The following TENM2 variants were observed in gnomAD, a reference collection of about 807,000 sequenced individuals.
The protein encoded by TENM2 is teneurin-2.
In TENM2, 52 loss-of-function variants were observed where a neutral mutation model predicts 245.2. That is an observed-to-expected ratio of 0.21 (90% CI 0.17 to 0.27). The LOEUF is 0.27. Ranked by LOEUF, TENM2 falls within the 10% of genes least tolerant of loss-of-function variation. TENM2 has a pLI of 1.00. For missense variants in TENM2, 3,046 were observed against 3,666.8 expected (o/e 0.83, Z 4.37); for synonymous variants, 1,363 against 1,438.9 (o/e 0.95, Z 1.19).
intron 2 of TENM2, among the ~76,000 whole-genome samples, chr5:167,496,928 G>A (rs1768857453): frequency 6.6e-6 from 1 of 151,584 alleles, no homozygotes; most frequent in African/African-American, 2.4e-5. Flanking sequence ...CAAGGACAGT[G>A]TAAAATTTAA....
intron 2 of TENM2, among the ~76,000 whole-genome samples, chr5:167,552,348 T>G (rs1773001199): frequency 6.6e-6 from 1 of 152,212 alleles, no homozygotes; most frequent in African/African-American, 2.4e-5. Context: ...CATTTGTTTT[T>G]TATTTAGTAT....
At chr5:167,623,861 C>T (rs1315265922) in intron 2 of TENM2, among the ~76,000 whole-genome samples, 2 of 151,922 alleles carry the variant, frequency 1.3e-5, no homozygotes, top group Admixed American at 6.6e-5. Flanking sequence ...GGTGTTTTTC[C>T]ATGGTAAGAT....
chr5:167,205,056 A>C, the TENM2 span, among the ~76,000 whole-genome samples: 3 of 152,254 alleles, frequency 2.0e-5, no homozygotes, highest in Middle Eastern at 0.01. Flanking sequence ...CACCTCATAC[A>C]ATTATTGGTA....
At chr5:167,923,524 G>A (rs963709186) in intron 3 of TENM2, among the ~76,000 whole-genome samples, 3 of 152,126 alleles carry the variant, frequency 2.0e-5, no homozygotes, top group Non-Finnish European at 4.4e-5. Flanking sequence ...TAGAAAGACG[G>A]CTTGGGTGAC....
chr5:167,435,709 A>T (rs1298346015), intron 2 of TENM2, among the ~76,000 whole-genome samples: 1 of 152,178 alleles, frequency 6.6e-6, no homozygotes, highest in African/African-American at 2.4e-5. Context: ...AGATAAAAAA[A>T]TGTGGGAAAG....
chr5:167,044,463 A>T, the TENM2 span, among the ~76,000 whole-genome samples: 3 of 152,238 alleles, frequency 2.0e-5, no homozygotes, highest in Non-Finnish European at 4.4e-5. Context: ...TCAATGAAAT[A>T]TGCAGCTCCA....
At chr5:167,344,336 A>G (rs956681321) in intron 1 of TENM2, among the ~76,000 whole-genome samples, 5 of 148,334 alleles carry the variant, frequency 3.4e-5, no homozygotes, top group African/African-American at 7.4e-5. Context: ...ATATAGATAT[A>G]TTGCAGAGAT....
At chr5:167,739,126 G>T (rs1760999821) in intron 2 of TENM2, among the ~76,000 whole-genome samples, 1 of 152,176 alleles carries the variant, frequency 6.6e-6, no homozygotes. Context: ...TCCCTCATTT[G>T]TTCCCTTGGC....
At chr5:167,345,675 C>T (rs1311449973) in intron 1 of TENM2, among the ~76,000 whole-genome samples, 1 of 152,036 alleles carries the variant, frequency 6.6e-6, no homozygotes, top group Non-Finnish European at 1.5e-5. Flanking sequence ...TTCACATAGG[C>T]CCCACTACTG....
intron 5 of TENM2, among the ~76,000 whole-genome samples, chr5:167,995,201 G>A (rs1002649709): frequency 6.6e-6 from 1 of 152,162 alleles, no homozygotes; most frequent in African/African-American, 2.4e-5. Context: ...CCTGATTTAT[G>A]GGGCTTGATA....
At chr5:167,825,403 C>T (rs1767886428) in intron 2 of TENM2, among the ~76,000 whole-genome samples, 1 of 152,126 alleles carries the variant, frequency 6.6e-6, no homozygotes, top group Non-Finnish European at 1.5e-5. Context: ...TGTGAGAAGA[C>T]CCTAGTGGTT....
At chr5:167,662,626 A>T (rs1755288245) in intron 2 of TENM2, among the ~76,000 whole-genome samples, 1 of 152,236 alleles carries the variant, frequency 6.6e-6, no homozygotes, top group Admixed American at 6.5e-5. Flanking sequence ...CATGAAAATG[A>T]AACTTATTAT....
chr5:167,727,054 AACTCT>A (rs943656663), intron 2 of TENM2, among the ~76,000 whole-genome samples: 6 of 151,736 alleles, frequency 4.0e-5, no homozygotes, highest in Admixed American at 2.0e-4. Flanking sequence ...TGAAGCCTCC[AACTCT>A]ACTCAAACTA....
intron 2 of TENM2, among the ~76,000 whole-genome samples, chr5:167,391,647 A>AT (rs70976420): frequency 0.25 from 31,999 of 126,372 alleles, 5,742 homozygotes; most frequent in African/African-American, 0.39. Context: ...AAAAAAAAAA[A>AT]GCACTCTCAA....
chr5:167,969,166 T>C (rs2546933), intron 4 of TENM2, among the ~76,000 whole-genome samples: 2,654 of 152,258 alleles, frequency 0.017, 75 homozygotes, highest in African/African-American at 0.061. Flanking sequence ...TTGGCTGTGT[T>C]GACACCCAAA....
At chr5:167,246,513 T>C in the TENM2 span, among the ~76,000 whole-genome samples, 2 of 152,070 alleles carry the variant, frequency 1.3e-5, no homozygotes, top group African/African-American at 4.8e-5. Flanking sequence ...ATATTTGTTA[T>C]AGTATATTTC....
the TENM2 span, among the ~76,000 whole-genome samples, chr5:167,233,109 C>T: frequency 7.2e-5 from 11 of 152,086 alleles, no homozygotes; most frequent in Non-Finnish European, 1.3e-4. Context: ...CTCTGAGTTT[C>T]GTGGAGGGAG....
At chr5:167,306,493 A>C (rs1161409610) in intron 1 of TENM2, 1 of 152,134 alleles carries the variant, frequency 6.6e-6, no homozygotes, top group Non-Finnish European at 1.5e-5. Flanking sequence ...GAATCTTAAA[A>C]AAAAAAACAA....
chr5:167,380,515 T>C (rs1248625840), intron 2 of TENM2, among the ~76,000 whole-genome samples: 1 of 152,186 alleles, frequency 6.6e-6, no homozygotes, highest in Non-Finnish European at 1.5e-5. Context: ...TAAACTTTAG[T>C]GGCATGGTCT....
Sources: gnomAD v4.1 joint callset for allele counts (sites outside exome capture counted in the v4.1 genomes callset) on GRCh38, gnomAD v4.1.1 for gene constraint, MANE v1.5 for transcripts, NCBI Gene and HGNC (gene_info 2026-07-23, HGNC 2026-07-21) for gene names.